VAPB: variants seen among roughly 807,000 people sequenced by gnomAD.
VAPB encodes the protein vesicle-associated membrane protein-associated protein B/C.
In VAPB, 7 loss-of-function variants were observed where a neutral mutation model predicts 25.6. That is an observed-to-expected ratio of 0.27 (90% CI 0.16 to 0.51). VAPB has a LOEUF of 0.51. Ranked by LOEUF, VAPB falls within the 20% of genes least tolerant of loss-of-function variation. VAPB has a pLI of 0.97. For synonymous variants in VAPB, 112 were observed against 109.2 expected (o/e 1.03, Z -0.16); for missense variants, 266 against 301.3 (o/e 0.88, Z 0.87).
intron 2 of VAPB, among the ~76,000 whole-genome samples, chr20:58,431,951 A>G (rs965340928): frequency 1.1e-4 from 16 of 152,260 alleles, no homozygotes; most frequent in African/African-American, 2.4e-4. Context: ...TTTGCCTTCT[A>G]TGGTACCTAT....
chr20:58,416,938 C>G (rs138708085), intron 1 of VAPB, among the ~76,000 whole-genome samples: 41 of 152,236 alleles, frequency 2.7e-4, no homozygotes, highest in African/African-American at 8.7e-4. Context: ...AAGGTATAAT[C>G]CTTGTCTCAG....
In VAPB at chr20:58,447,113, C is replaced by T. The variant is rs1355429298; in HGVS notation, c.*2878C>T. On this transcript the variant is annotated 3_prime_UTR_variant, in exon 6 of 6. Transcript: ENST00000475243. ...GCTCCTGTGGTTACTGGCTCCACAG[C>T]ACCTCAGAGAGGGCGGCCCTGGCTT... 2 of 454,002 alleles carry T rather than the reference C, an allele frequency of 4.4e-6. No individual in the cohort carries two copies. The highest frequency in any genetic ancestry group is 1.4e-4 in the East Asian group (2 of 14,406). The allele number at this position is 454,002 out of a possible 1,614,324, so 28.1% of individuals were successfully genotyped here.
In VAPB at chr20:58,389,265, C is replaced by A. The variant is rs760083712; in HGVS notation, c.-195C>A. On this transcript the variant is annotated 5_prime_UTR_variant, in exon 1 of 6. Transcript: ENST00000475243. ...GCTCGCCGGGCACCGCGGCCTCGCC[C>A]TCGCCCTCCGCCCCTGCGCCTGCAC... 3 of 686,724 alleles carry A rather than the reference C, an allele frequency of 4.4e-6. No individual in the cohort carries two copies. The highest frequency in any genetic ancestry group is 3.1e-5 in the South Asian group (2 of 65,532). 42.5% of individuals were successfully genotyped at this position (686,724 alleles called of 1,614,324 possible).
At chr20:58,413,301 C>T (rs902933709) in intron 1 of VAPB, among the ~76,000 whole-genome samples, 20 of 151,648 alleles carry the variant, frequency 1.3e-4, no homozygotes, top group Non-Finnish European at 1.9e-4. Flanking sequence ...TGCGGCCTTC[C>T]GCAGTGTTTG....
chr20:58,401,782 A>G (rs548474189), intron 1 of VAPB, among the ~76,000 whole-genome samples: 10 of 152,280 alleles, frequency 6.6e-5, no homozygotes, highest in African/African-American at 2.4e-4. Context: ...CCAAGCCCAT[A>G]TAAAAGGCTG....
chr20:58,396,033 CA>C (rs1368019184), intron 1 of VAPB, among the ~76,000 whole-genome samples: 4 of 152,122 alleles, frequency 2.6e-5, no homozygotes, highest in Admixed American at 2.0e-4. Flanking sequence ...TAGACAAAGA[CA>C]AACCCCCCTT....
chr20:58,423,186 C>T (rs150233256), intron 2 of VAPB, among the ~76,000 whole-genome samples: 6,638 of 151,754 alleles, frequency 0.044, 234 homozygotes, highest in East Asian at 0.15. Flanking sequence ...CCGAGGCAGG[C>T]GGATCACCTG....
rs1050741057 is a variant in VAPB at position 58,450,501 on chromosome 20, C to T, written c.*6266C>T. On this transcript the variant is annotated 3_prime_UTR_variant, in exon 6 of 6. Coordinates refer to ENST00000475243, the MANE Select transcript of VAPB (RefSeq NM_004738.5). ...ATTTGGTTCTCATTTCTGTTGCTGT[C>T]GTTTCCTTTTTAAAGACGATTTATC... is the stretch of plus-strand genomic sequence containing the variant. 36 of 453,608 alleles carry T rather than the reference C, an allele frequency of 7.9e-5. No homozygotes were observed. The highest frequency in any genetic ancestry group is 4.7e-4 in the Admixed American group (20 of 42,496). The allele number at this position is 453,608 out of a possible 1,614,324, so 28.1% of individuals were successfully genotyped here. A position where few individuals can be genotyped will look rare whatever the true frequency, so the allele number is the denominator to read the frequency against.
intron 1 of VAPB, among the ~76,000 whole-genome samples, chr20:58,414,444 C>A (rs1227760419): frequency 6.7e-6 from 1 of 150,186 alleles, no homozygotes; most frequent in Non-Finnish European, 1.5e-5. Context: ...AGCCGCCGGG[C>A]GGAGGGTCTC....
At chr20:58,415,477 A>G (rs1278728649) in intron 1 of VAPB, among the ~76,000 whole-genome samples, 2 of 152,130 alleles carry the variant, frequency 1.3e-5, no homozygotes, top group African/African-American at 2.4e-5. Context: ...TTAACCTCCC[A>G]TTTCACATTT....
intron 1 of VAPB, among the ~76,000 whole-genome samples, chr20:58,415,345 A>C (rs1023721408): frequency 2.6e-5 from 4 of 152,228 alleles, no homozygotes; most frequent in African/African-American, 9.6e-5. Flanking sequence ...AACTCACACA[A>C]ATGTTCACAG....
chr20:58,418,611 G>T lies in VAPB; in HGVS notation c.211+248G>T, dbSNP rs1158755311. On this transcript the variant is annotated intron_variant, in intron 2 of 5. Transcript: ENST00000475243. Reference sequence around the variant, plus strand: ...CTTACAGCCCCTTTGCACCTCAATAGTTAGAGCAAAACTGAAGTGATAACT... The same window carrying T: ...CTTACAGCCCCTTTGCACCTCAATATTTAGAGCAAAACTGAAGTGATAACT... 2.6e-5 allele frequency among the ~76,000 whole-genome samples: 4 copies of T among 151,860 alleles called. No homozygotes were observed. The East Asian group carries it at 7.7e-4, about 29-fold the overall frequency.
rs34649242 is a variant in VAPB at position 58,409,904 on chromosome 20, T to TACACACACACAC, written c.59-8287_59-8276dup. ...GCACAACAAAGAATCTTTATTCATATACACACACACACACACACACACACA... is the reference window on the plus strand; with the variant it reads ...GCACAACAAAGAATCTTTATTCATATACACACACACACACACACACACACACACACACACACA... On this transcript the variant is annotated intron_variant, in intron 1 of 5. Coordinates refer to ENST00000475243, the MANE Select transcript of VAPB (RefSeq NM_004738.5). Among the ~76,000 whole-genome samples, 258 of 148,224 alleles carry TACACACACACAC rather than the reference T, an allele frequency of 1.7e-3. 1 individual carries two copies. The highest frequency in any genetic ancestry group is 2.8e-3 in the Non-Finnish European group (190 of 66,944).
rs1340779241 is a variant in VAPB, at chr20:58,389,249, G to A, written c.-211G>A. ...TGCGTGCGTGCCGTCAGCTCGCCGG[G>A]CACCGCGGCCTCGCCCTCGCCCTCC... On this transcript the variant is annotated 5_prime_UTR_variant, in exon 1 of 6. Transcript: ENST00000475243. The A allele has an allele frequency of 3.0e-6, 2 of 662,004 alleles. No homozygotes were observed. Among genetic ancestry groups the A allele is most frequent in the Middle Eastern group, 3.8e-4 (1 of 2,618 alleles). 41.0% of individuals were successfully genotyped at this position (662,004 alleles called of 1,614,324 possible). A position where few individuals can be genotyped will look rare whatever the true frequency, so the allele number is the denominator to read the frequency against.
At chr20:58,439,454 C>G (rs1480192425) in intron 4 of VAPB, 1 of 213,610 alleles carries the variant, frequency 4.7e-6, no homozygotes, top group African/African-American at 2.3e-5. Flanking sequence ...TTTACCCTAT[C>G]TACCTCTTCA....
At chr20:58,392,128 C>G (rs1453361627) in intron 1 of VAPB, among the ~76,000 whole-genome samples, 1 of 152,156 alleles carries the variant, frequency 6.6e-6, no homozygotes, top group Non-Finnish European at 1.5e-5. Context: ...GACCTTAGGC[C>G]ACTTCACTCC....
chr20:58,391,273 C>T lies in VAPB; in HGVS notation c.58+1756C>T, dbSNP rs139832904. 6.0e-3 allele frequency among the ~76,000 whole-genome samples: 921 copies of T among 152,250 alleles called. 2 individuals carry two copies. The highest frequency in any genetic ancestry group is 8.4e-3 in the Non-Finnish European group (574 of 68,022). ...ATATCAGCTGTACTCTCCTATTTTCCCTCAACCTCCTCCCAGTACTTTAGG... is the reference window on the plus strand; with the variant it reads ...ATATCAGCTGTACTCTCCTATTTTCTCTCAACCTCCTCCCAGTACTTTAGG... On this transcript the variant is annotated intron_variant, in intron 1 of 5. Coordinates refer to ENST00000475243, the MANE Select transcript of VAPB (RefSeq NM_004738.5).
At chr20:58,397,120 C>G (rs1987976756) in intron 1 of VAPB, among the ~76,000 whole-genome samples, 1 of 152,076 alleles carries the variant, frequency 6.6e-6, no homozygotes, top group African/African-American at 2.4e-5. Context: ...GATTTCTTGC[C>G]CTACTTTTGA....
rs1282433422 is a variant in VAPB, at chr20:58,430,009, G to A, written c.212-4593G>A. 5.5e-5 allele frequency among the ~76,000 whole-genome samples: 6 copies of A among 109,982 alleles called. No homozygotes were observed. In the South Asian group the frequency reaches 1.5e-3, roughly 27 times the overall value. 72.2% of individuals were successfully genotyped at this position (109,982 alleles called of 152,430 possible). A position where few individuals can be genotyped will look rare whatever the true frequency, so the allele number is the denominator to read the frequency against. ...GATCACTTGAGCCCAGGAGTTGTAG[G>A]CCAGCCTGGACAACATAGCAAGACC... is the stretch of plus-strand genomic sequence containing the variant. On this transcript the variant is annotated intron_variant, in intron 2 of 5. Transcript: ENST00000475243.
Sources: gnomAD v4.1 joint callset for allele counts (sites outside exome capture counted in the v4.1 genomes callset) on GRCh38, gnomAD v4.1.1 for gene constraint, MANE v1.5 for transcripts, NCBI Gene and HGNC (gene_info 2026-07-23, HGNC 2026-07-21) for gene names.